MPHOSPH8: variants seen among roughly 807,000 people sequenced by gnomAD.
MPHOSPH8 encodes the protein M-phase phosphoprotein, mpp.
MPHOSPH8 carries 45 observed loss-of-function variants against 87.3 expected under a neutral mutation model. The ratio of observed to expected loss-of-function variants is 0.52; its 90% CI spans 0.41 to 0.66. The LOEUF is 0.66. Ranked by LOEUF, MPHOSPH8 falls within the 30% of genes least tolerant of loss-of-function variation. The pLI is 0.00. For synonymous variants in MPHOSPH8, 366 were observed against 376.9 expected, an observed-to-expected ratio of 0.97 and a Z score of 0.33; for missense variants, 883 against 1,020.2, an observed-to-expected ratio of 0.87 and a Z score of 1.83.
In MPHOSPH8 at chr13:19,672,011, G is replaced by A. The variant is rs1876158066; in HGVS notation, c.*136G>A. 1 of 857,084 alleles carries A rather than the reference G, an allele frequency of 1.2e-6. No homozygotes were observed. The highest frequency in any genetic ancestry group is 1.9e-6 in the Non-Finnish European group (1 of 533,510). The allele number at this position is 857,084 out of a possible 1,614,324, so 53.1% of individuals were successfully genotyped here. ...CTTGCAGTTAAGCCTGTTGTCTGTT[G>A]TAGTCTGTAAGATGCGACATAGCTG... On this transcript the variant is annotated 3_prime_UTR_variant, in exon 14 of 14. Coordinates refer to ENST00000361479, the MANE Select transcript of MPHOSPH8 (RefSeq NM_017520.4).
At position 19,662,732 on chromosome 13, in the gene MPHOSPH8, A is replaced by G. The variant is rs937753587; in HGVS notation, c.1933-308A>G. On this transcript the variant is annotated intron_variant, in intron 8 of 13. Coordinates refer to ENST00000361479, the MANE Select transcript of MPHOSPH8 (RefSeq NM_017520.4). Reference sequence around the variant, plus strand: ...ATTTTTTTGAATAAATGGTATTTGTATTCCTTTTGGTTAATAATTTAATTG... The same window carrying G: ...ATTTTTTTGAATAAATGGTATTTGTGTTCCTTTTGGTTAATAATTTAATTG... Among the ~76,000 whole-genome samples, 3 of 152,368 alleles carry G rather than the reference A, an allele frequency of 2.0e-5. No individual in the cohort carries two copies. The East Asian group carries it at 5.8e-4, about 29-fold the overall frequency.
At chr13:19,635,372 A>G (rs547980452) in intron 1 of MPHOSPH8, among the ~76,000 whole-genome samples, 1 of 152,250 alleles carries the variant, frequency 6.6e-6, no homozygotes, top group Admixed American at 6.5e-5. Context: ...ACAAAAAAAT[A>G]CAAAAATTAG....
At chr13:19,647,609 C>A (rs979290601) in intron 3 of MPHOSPH8, among the ~76,000 whole-genome samples, 3 of 152,122 alleles carry the variant, frequency 2.0e-5, no homozygotes, top group Non-Finnish European at 4.4e-5. Flanking sequence ...CTTTTCACAT[C>A]CTGCTTGGTC....
At chr13:19,646,110 ACTTT>A (rs1439643596) in intron 2 of MPHOSPH8, among the ~76,000 whole-genome samples, 6 of 151,834 alleles carry the variant, frequency 4.0e-5, no homozygotes, top group Non-Finnish European at 7.4e-5. Flanking sequence ...TGTAAAAATT[ACTTT>A]CTTGGTGGTT....
chr13:19,654,455 A>G (rs1328066876), intron 5 of MPHOSPH8, among the ~76,000 whole-genome samples: 1 of 152,092 alleles, frequency 6.6e-6, no homozygotes, highest in African/African-American at 2.4e-5. Flanking sequence ...CTGCACATGT[A>G]CCCCAGAACT....
At chr13:19,648,197 G>C (rs1874668072) in intron 3 of MPHOSPH8, among the ~76,000 whole-genome samples, 1 of 151,532 alleles carries the variant, frequency 6.6e-6, no homozygotes, top group Non-Finnish European at 1.5e-5. Context: ...AAGAGGGTTG[G>C]AAAACTGATG....
At chr13:19,650,586 T>C (rs1402076057) in intron 5 of MPHOSPH8, among the ~76,000 whole-genome samples, 2 of 152,226 alleles carry the variant, frequency 1.3e-5, no homozygotes, top group Non-Finnish European at 2.9e-5. Flanking sequence ...AATTATCAAA[T>C]ATAAACTTAT....
In MPHOSPH8 at chr13:19,668,442, C is replaced by G; in HGVS notation, c.2240C>G (p.Pro747Arg). 1 of 1,614,028 alleles carries G rather than the reference C, an allele frequency of 6.2e-7. No individual in the cohort carries two copies. The highest frequency in any genetic ancestry group is 8.5e-7 in the Non-Finnish European group (1 of 1,179,906). ...GAAGCTCGCCTTGCTCTGCTAGAAC[C>G]AGTTTTTCCAATCGCATGTCATCGA... ...YFEARLALLEPVFPIACHRLC... is the reference protein window; with the variant it reads ...YFEARLALLERVFPIACHRLC... Residue 747 changes from proline to arginine, a missense_variant, in exon 11 of 14, where the codon CCA (proline) becomes CGA (arginine). By Grantham distance (103) the Pro-to-Arg change is moderately radical. Coordinates refer to ENST00000361479, the MANE Select transcript of MPHOSPH8 (RefSeq NM_017520.4).
intron 1 of MPHOSPH8, among the ~76,000 whole-genome samples, chr13:19,636,915 T>C (rs1233243487): frequency 2.0e-5 from 3 of 152,218 alleles, no homozygotes; most frequent in Admixed American, 1.3e-4. Flanking sequence ...TTCTGGAATT[T>C]TGAAGTCAAA....
At chr13:19,655,949 CAA>C (rs1396580793) in intron 5 of MPHOSPH8, among the ~76,000 whole-genome samples, 1 of 151,924 alleles carries the variant, frequency 6.6e-6, no homozygotes, top group South Asian at 2.1e-4. Context: ...TCCACTTCTA[CAA>C]AAAATACAAA....
intron 5 of MPHOSPH8, among the ~76,000 whole-genome samples, chr13:19,651,979 G>T (rs1874875465): frequency 6.6e-6 from 1 of 152,062 alleles, no homozygotes. Flanking sequence ...GTGCGTGCCT[G>T]CAGTCCCAGC....
In MPHOSPH8 at chr13:19,668,502, A is replaced by G. The variant is rs1404186016; in HGVS notation, c.2300A>G (p.Asn767Ser). 19 of 1,614,016 alleles carry G rather than the reference A, an allele frequency of 1.2e-5. No homozygotes were observed. The highest frequency in any genetic ancestry group is 1.6e-5 in the Non-Finnish European group (19 of 1,180,024). ...CEGPDFSTDF[N>S]YKPPQNIPEG... Reference sequence around the variant, plus strand: ...GGTCCAGATTTTTCAACAGATTTCAATTACAAACCCCCACAGAACATACCA... The same window carrying G: ...GGTCCAGATTTTTCAACAGATTTCAGTTACAAACCCCCACAGAACATACCA... The change falls in exon 11 of 14, where the codon AAT becomes AGT. Residue 767 changes from asparagine (N) to serine (S), a missense_variant. Asn to Ser is a conservative substitution (Grantham distance 46). Coordinates refer to ENST00000361479, the MANE Select transcript of MPHOSPH8 (RefSeq NM_017520.4).
chr13:19,651,339 C>T (rs370938149), intron 5 of MPHOSPH8, among the ~76,000 whole-genome samples: 22 of 151,990 alleles, frequency 1.4e-4, no homozygotes, highest in East Asian at 1.4e-3. Context: ...CCAGCCTGGG[C>T]GACACAGTGA....
intron 5 of MPHOSPH8, among the ~76,000 whole-genome samples, chr13:19,658,143 G>C (rs1432315324): frequency 6.6e-6 from 1 of 152,220 alleles, no homozygotes; most frequent in Non-Finnish European, 1.5e-5. Flanking sequence ...CTCAGAGTTA[G>C]CAGAAGTGTT....
rs371373922 is a variant in MPHOSPH8, at chr13:19,663,504, CG to C, written c.2019+379del. Among the ~76,000 whole-genome samples the C allele has an allele frequency of 4.1e-4, 62 of 152,290 alleles. 1 individual carries two copies. The East Asian group carries it at 0.012, about 29-fold the overall frequency. On this transcript the variant is annotated intron_variant, in intron 9 of 13. Transcript: ENST00000361479. Reference sequence around the variant, plus strand: ...GGAGCAGCAGGGAGGCTGCTGGCCTCGAAAGTGCAGGCCTAGGGGTGGGACG... The same window carrying C: ...GGAGCAGCAGGGAGGCTGCTGGCCTCAAAGTGCAGGCCTAGGGGTGGGACG...
chr13:19,639,192 T>C (rs1433985102), intron 1 of MPHOSPH8, among the ~76,000 whole-genome samples: 1 of 152,124 alleles, frequency 6.6e-6, no homozygotes, highest in Non-Finnish European at 1.5e-5. Context: ...ATGGCTATTT[T>C]GGCTAGTCAC....
chr13:19,638,966 C>T (rs550648231), intron 1 of MPHOSPH8, among the ~76,000 whole-genome samples: 1 of 151,676 alleles, frequency 6.6e-6, no homozygotes, highest in Non-Finnish European at 1.5e-5. Context: ...ACCTGTAATC[C>T]CAGCTACTTG....
chr13:19,645,749 A>C (rs1368774621), intron 2 of MPHOSPH8, among the ~76,000 whole-genome samples: 2 of 151,800 alleles, frequency 1.3e-5, no homozygotes, highest in Middle Eastern at 6.3e-3. Context: ...TGTCTCAAAA[A>C]AAAAAAAAAA....
intron 1 of MPHOSPH8, among the ~76,000 whole-genome samples, chr13:19,635,452 C>T (rs1873956165): frequency 6.6e-6 from 1 of 152,150 alleles, no homozygotes; most frequent in Non-Finnish European, 1.5e-5. Context: ...TGCTTGAACC[C>T]GGGAGGCGGA....
Sources: allele counts gnomAD v4.1 joint callset (sites outside exome capture counted in the v4.1 genomes callset), GRCh38; gene constraint gnomAD v4.1.1; transcripts MANE v1.5; gene names NCBI Gene and HGNC (gene_info 2026-07-23, HGNC 2026-07-21).